The following STK32A variants were observed in gnomAD, a reference collection of about 807,000 sequenced individuals.
The protein encoded by STK32A is serine/threonine-protein kinase 32A.
A neutral mutation model predicts 53.2 loss-of-function variants in STK32A; 41 were observed. That is an observed-to-expected ratio of 0.77 (90% CI 0.60 to 1.00). The LOEUF is 1.00. Ranked by LOEUF, STK32A falls within the 50% of genes least tolerant of loss-of-function variation. The pLI is 0.00. For missense variants in STK32A, 458 were observed against 485.8 expected, an observed-to-expected ratio of 0.94 and a Z score of 0.54; for synonymous variants, 166 against 162.8, an observed-to-expected ratio of 1.02 and a Z score of -0.15.
chr5:147,359,956 C>T (rs916571677), intron 7 of STK32A, among the ~76,000 whole-genome samples: 2 of 152,128 alleles, frequency 1.3e-5, no homozygotes. Context: ...GGACCCATGT[C>T]ATACCAGTTT....
intron 4 of STK32A, among the ~76,000 whole-genome samples, chr5:147,293,016 A>G (rs1752678959): frequency 6.6e-6 from 1 of 152,208 alleles, no homozygotes; most frequent in Non-Finnish European, 1.5e-5. Context: ...TGATTTCCAA[A>G]ACCTTCAGAA....
chr5:147,351,068 A>G lies in STK32A; in HGVS notation c.476A>G (p.His159Arg), dbSNP rs375326350. The stretch of plus-strand genomic sequence containing the variant: ...TGTGGTTCTTCTCTCTCTGCAGGGC[A>G]CGTGCACATCACAGATTTCAACATT... ...PDNILLDEHG[H>R]VHITDFNIAA... The change falls in exon 7 of 13, where the codon CAC (histidine) becomes CGC (arginine). Residue 159 changes from histidine (H) to arginine (R), a missense_variant. Transcript: ENST00000397936. 5 of 1,613,686 alleles carry G rather than the reference A, an allele frequency of 3.1e-6. No homozygotes were observed. In the African/African-American group the frequency reaches 6.7e-5, roughly 22 times the overall value.
intron 7 of STK32A, among the ~76,000 whole-genome samples, chr5:147,355,549 G>A (rs752748252): frequency 3.5e-4 from 53 of 152,062 alleles, no homozygotes; most frequent in Non-Finnish European, 6.6e-4. Flanking sequence ...GTGGTGGCAG[G>A]TGCCTGTAGT....
intron 10 of STK32A, 123 bp from the exon 11 acceptor site, chr5:147,374,967 A>G: frequency 4.3e-6 from 3 of 695,154 alleles, no homozygotes; most frequent in South Asian, 1.1e-4. Flanking sequence ...TTAGAGTGGG[A>G]ATCCCAGTGT....
intron 9 of STK32A, among the ~76,000 whole-genome samples, chr5:147,371,850 C>A (rs1215480571): frequency 1.3e-5 from 2 of 152,090 alleles, no homozygotes; most frequent in Non-Finnish European, 2.9e-5. Flanking sequence ...CAGACAAAAA[C>A]AAACAAAAAT....
intron 2 of STK32A, among the ~76,000 whole-genome samples, chr5:147,268,781 G>A (rs1754913025): frequency 6.6e-6 from 1 of 152,116 alleles, no homozygotes; most frequent in Non-Finnish European, 1.5e-5. Context: ...TCTGGCTAGG[G>A]ATGTGAGAGA....
At chr5:147,280,558 A>G (rs2151955633) in intron 4 of STK32A, among the ~76,000 whole-genome samples, 1 of 151,974 alleles carries the variant, frequency 6.6e-6, no homozygotes, top group Non-Finnish European at 1.5e-5. Context: ...CTGCAGAGAC[A>G]GCCATAATCC....
chr5:147,308,750 T>C (rs1412960219), intron 4 of STK32A, among the ~76,000 whole-genome samples: 4 of 151,300 alleles, frequency 2.6e-5, no homozygotes, highest in African/African-American at 9.7e-5. Context: ...TTAACATGAA[T>C]GAGTACAATA....
At chr5:147,328,532 T>G (rs1754711980) in intron 5 of STK32A, among the ~76,000 whole-genome samples, 2 of 152,234 alleles carry the variant, frequency 1.3e-5, no homozygotes. Flanking sequence ...GACAACTTTC[T>G]TATTAGTCAA....
At chr5:147,308,596 T>C (rs1753537674) in intron 4 of STK32A, among the ~76,000 whole-genome samples, 1 of 152,182 alleles carries the variant, frequency 6.6e-6, no homozygotes. Flanking sequence ...TGGACATCTT[T>C]GTCTCTTTTT....
the STK32A span, among the ~76,000 whole-genome samples, chr5:147,396,894 A>G: frequency 5.3e-4 from 79 of 149,298 alleles, no homozygotes; most frequent in Non-Finnish European, 8.7e-4. Flanking sequence ...TAGTGTGTGT[A>G]TAGAAAGTAT....
chr5:147,294,757 C>T (rs915774543), intron 4 of STK32A, among the ~76,000 whole-genome samples: 1 of 151,632 alleles, frequency 6.6e-6, no homozygotes, highest in African/African-American at 2.4e-5. Flanking sequence ...GATCTTGGCT[C>T]ACTGCAACCT....
At chr5:147,258,173 T>TTTTTTTTTTTTTTG (rs1466872220) in intron 2 of STK32A, among the ~76,000 whole-genome samples, 4 of 148,582 alleles carry the variant, frequency 2.7e-5, no homozygotes, top group African/African-American at 7.5e-5. Flanking sequence ...TAATTTTTGT[T>TTTTTTTTTTTTTTG]AAAGAGCAGG....
chr5:147,314,032 C>A (rs969583345), intron 4 of STK32A, among the ~76,000 whole-genome samples: 1 of 151,690 alleles, frequency 6.6e-6, no homozygotes, highest in Non-Finnish European at 1.5e-5. Context: ...TCAGATATGA[C>A]CCCAAAAGAA....
At chr5:147,259,881 GTCTC>G (rs79213510) in intron 2 of STK32A, among the ~76,000 whole-genome samples, 32,820 of 120,722 alleles carry the variant, frequency 0.27, 4,200 homozygotes, top group Admixed American at 0.37. Context: ...TCTCTCTCCT[GTCTC>G]TCTCTTTCTC....
intron 4 of STK32A, among the ~76,000 whole-genome samples, chr5:147,317,115 C>T (rs1754032425): frequency 7.0e-6 from 1 of 143,020 alleles, no homozygotes; most frequent in Non-Finnish European, 1.5e-5. Flanking sequence ...TGATCAAGTG[C>T]ATACCACTAT....
chr5:147,285,417 CA>C (rs1752280745), intron 4 of STK32A, among the ~76,000 whole-genome samples: 1 of 152,060 alleles, frequency 6.6e-6, no homozygotes, highest in African/African-American at 2.4e-5. Flanking sequence ...ACCAAGAACC[CA>C]AAAGCAAATG....
chr5:147,380,682 A>G (rs527302742), intron 11 of STK32A, among the ~76,000 whole-genome samples: 2 of 152,342 alleles, frequency 1.3e-5, no homozygotes, highest in African/African-American at 4.8e-5. Flanking sequence ...GTGCAGTGTC[A>G]AAGCAAATGC....
intron 4 of STK32A, among the ~76,000 whole-genome samples, chr5:147,286,928 A>G (rs1400806700): frequency 6.6e-6 from 1 of 152,182 alleles, no homozygotes; most frequent in Non-Finnish European, 1.5e-5. Flanking sequence ...TTGGTTACAA[A>G]GCTTGGCCTC....
Sources: gnomAD v4.1 joint callset for allele counts (sites outside exome capture counted in the v4.1 genomes callset) on GRCh38, gnomAD v4.1.1 for gene constraint, MANE v1.5 for transcripts, NCBI Gene and HGNC (gene_info 2026-07-23, HGNC 2026-07-21) for gene names.